The following MRPL48 variants were observed in gnomAD, a reference collection of about 807,000 sequenced individuals.
The protein encoded by MRPL48 is mitochondrial ribosomal protein L48.
In MRPL48, 16 loss-of-function variants were observed where a neutral mutation model predicts 32.9. That is an observed-to-expected ratio of 0.49 (90% CI 0.33 to 0.74). MRPL48 has a LOEUF of 0.74. MRPL48 is among the 30% of genes least tolerant of loss of function. MRPL48 has a pLI of 0.02. For missense variants in MRPL48, 206 were observed against 245.3 expected (o/e 0.84, Z 1.07); for synonymous variants, 94 against 89.2 (o/e 1.05, Z -0.31).
At position 73,844,842 on chromosome 11, in the gene MRPL48, C is replaced by T; in HGVS notation, c.237C>T (p.Ala79=). Residue 79 remains alanine, a synonymous_variant, in exon 5 of 8, where the codon GCC becomes GCT. Transcript: ENST00000310614. ...AGAAGGGAAAAGTGGAAGTGAGAGC[C>T]ATTAATTTGGGGACAGATTATGAAT... ...KKKKGKVEVR[A]INLGTDYEYG... The T allele has an allele frequency of 6.2e-7, 1 of 1,613,486 alleles. No individual in the cohort carries two copies. Among genetic ancestry groups the T allele is most frequent in the East Asian group, 2.2e-5 (1 of 44,858 alleles).
intron 3 of MRPL48, among the ~76,000 whole-genome samples, chr11:73,812,111 C>T (rs1947577078): frequency 6.6e-6 from 1 of 152,152 alleles, no homozygotes; most frequent in South Asian, 2.1e-4. Flanking sequence ...TGGTCTAGAT[C>T]TCCTGACCTT....
At chr11:73,807,701 G>A (rs994679069) in intron 2 of MRPL48, among the ~76,000 whole-genome samples, 18 of 142,152 alleles carry the variant, frequency 1.3e-4, no homozygotes, top group African/African-American at 4.0e-4. Flanking sequence ...GCAGTGGCAC[G>A]ATCTTGGCTT....
intron 4 of MRPL48, among the ~76,000 whole-genome samples, chr11:73,844,113 C>T (rs1443800729): frequency 6.6e-6 from 1 of 151,662 alleles, no homozygotes; most frequent in Non-Finnish European, 1.5e-5. Flanking sequence ...TCATAGACCC[C>T]TTAATTCATA....
At chr11:73,829,820 A>G (rs1237364590) in intron 4 of MRPL48, among the ~76,000 whole-genome samples, 1 of 152,196 alleles carries the variant, frequency 6.6e-6, no homozygotes, top group African/African-American at 2.4e-5. Context: ...GCTGGAATGC[A>G]GTGGTGCAAT....
chr11:73,849,121 C>T (rs568055672), intron 5 of MRPL48, among the ~76,000 whole-genome samples: 4 of 150,992 alleles, frequency 2.6e-5, no homozygotes, highest in African/African-American at 9.7e-5. Flanking sequence ...TGCACCCAGC[C>T]CCTTTTTAAT....
intron 1 of MRPL48, among the ~76,000 whole-genome samples, chr11:73,803,268 C>T (rs1792180): frequency 0.52 from 78,738 of 151,446 alleles, 21,783 homozygotes; most frequent in African/African-American, 0.73. Flanking sequence ...GTAGCTGGGA[C>T]TACAGGCACG....
chr11:73,863,352 C>T, intron 7 of MRPL48, 91 bp downstream of exon 7: 1 of 1,100,528 alleles, frequency 9.1e-7, no homozygotes, highest in Non-Finnish European at 1.3e-6. Context: ...TTAGAAAGAA[C>T]AGAGAAATGT....
intron 1 of MRPL48, among the ~76,000 whole-genome samples, chr11:73,797,617 C>T (rs1390985776): frequency 2.6e-5 from 4 of 152,254 alleles, no homozygotes; most frequent in Non-Finnish European, 4.4e-5. Context: ...GCACCTGCAG[C>T]TGCCCGCCCT....
chr11:73,833,750 C>T (rs754606070), intron 4 of MRPL48, among the ~76,000 whole-genome samples: 10 of 152,158 alleles, frequency 6.6e-5, no homozygotes, highest in Non-Finnish European at 1.3e-4. Flanking sequence ...TCATAGCACA[C>T]TGTACCCTCA....
chr11:73,800,689 G>T (rs557114798), intron 1 of MRPL48, among the ~76,000 whole-genome samples: 82 of 152,172 alleles, frequency 5.4e-4, no homozygotes, highest in African/African-American at 1.7e-3. Context: ...GATTACTTTT[G>T]TCTGGATAAA....
intron 1 of MRPL48, among the ~76,000 whole-genome samples, chr11:73,797,248 A>G (rs984014795): frequency 2.0e-5 from 3 of 152,268 alleles, no homozygotes; most frequent in South Asian, 4.1e-4. Flanking sequence ...CTGCCACTCA[A>G]TAAAGCTCTT....
intron 5 of MRPL48, among the ~76,000 whole-genome samples, chr11:73,856,168 T>C (rs1038262359): frequency 1.3e-5 from 2 of 152,226 alleles, no homozygotes; most frequent in African/African-American, 4.8e-5. Context: ...TTGCTGGCTC[T>C]TTGCTCCAAA....
chr11:73,817,672 G>C (rs1670564), intron 3 of MRPL48, among the ~76,000 whole-genome samples: 78,169 of 152,040 alleles, frequency 0.51, 21,323 homozygotes, highest in African/African-American at 0.71. Context: ...CTGGAGAATA[G>C]TAGTCCCTAG....
chr11:73,857,502 A>G (rs1591009296), intron 5 of MRPL48, among the ~76,000 whole-genome samples: 2 of 138,206 alleles, frequency 1.4e-5, no homozygotes, highest in South Asian at 4.6e-4. Flanking sequence ...CTAGTCTTGA[A>G]CTCCTGGGCT....
chr11:73,840,973 C>T (rs372430542), intron 4 of MRPL48, among the ~76,000 whole-genome samples: 23 of 152,186 alleles, frequency 1.5e-4, no homozygotes, highest in African/African-American at 5.5e-4. Flanking sequence ...GAGCAAAATA[C>T]TTGAATAGGC....
chr11:73,844,165 C>T (rs1357751378), intron 4 of MRPL48, among the ~76,000 whole-genome samples: 1 of 151,914 alleles, frequency 6.6e-6, no homozygotes, highest in Non-Finnish European at 1.5e-5. Context: ...GTGTGGTGCT[C>T]ACACCTGTAA....
chr11:73,815,063 A>T (rs1947639830), intron 3 of MRPL48, among the ~76,000 whole-genome samples: 1 of 152,154 alleles, frequency 6.6e-6, no homozygotes, highest in African/African-American at 2.4e-5. Flanking sequence ...TGGAGCATGA[A>T]TATAGTTTCT....
At chr11:73,805,144 A>G in intron 2 of MRPL48, 65 bp downstream of exon 2, 1 of 1,369,092 alleles carries the variant, frequency 7.3e-7, no homozygotes, top group Non-Finnish European at 1.0e-6. Flanking sequence ...TAGTTCACAC[A>G]GCATTTTTTC....
chr11:73,857,538 C>T (rs1948504736), intron 5 of MRPL48, among the ~76,000 whole-genome samples: 5 of 151,508 alleles, frequency 3.3e-5, no homozygotes, highest in Admixed American at 3.3e-4. Flanking sequence ...TCTTGGCCTC[C>T]CAAAGTGCTC....
Sources: allele counts gnomAD v4.1 joint callset (sites outside exome capture counted in the v4.1 genomes callset), GRCh38; gene constraint gnomAD v4.1.1; transcripts MANE v1.5; gene names NCBI Gene and HGNC (gene_info 2026-07-23, HGNC 2026-07-21).